Variants in GRIP1 observed in about 807,000 individuals in gnomAD.
GRIP1 encodes the protein glutamate receptor interacting protein 1, also known as glutamate receptor-interacting protein 1.
Under a neutral mutation model 129.9 loss-of-function variants are expected in GRIP1, and 45 were observed. That is an observed-to-expected ratio of 0.35 (90% CI 0.27 to 0.44). The LOEUF is 0.44. GRIP1 is among the 20% of genes least tolerant of loss of function. The probability of loss-of-function intolerance (pLI) is 1.00; values close to 1 mark genes in which losing one functional copy is unlikely to be tolerated. For synonymous variants in GRIP1, 530 were observed against 520.8 expected (o/e 1.02, Z -0.24); for missense variants, 1,196 against 1,396.8 (o/e 0.86, Z 2.29).
intron 1 of GRIP1, chr12:66,630,243 A>C (rs542673346): frequency 6.6e-6 from 1 of 152,108 alleles, no homozygotes; most frequent in Non-Finnish European, 1.5e-5. Context: ...CCAGGTACTT[A>C]GGAGGCTGAG....
intron 1 of GRIP1, among the ~76,000 whole-genome samples, chr12:66,627,064 C>T (rs1160696741): frequency 1.3e-5 from 2 of 151,608 alleles, no homozygotes. Context: ...CCCTACAAAG[C>T]ATTATGACAG....
chr12:66,924,766 G>A (rs2041268960), intron 1 of GRIP1, among the ~76,000 whole-genome samples: 1 of 152,132 alleles, frequency 6.6e-6, no homozygotes, highest in Non-Finnish European at 1.5e-5. Flanking sequence ...AGGAGATCGA[G>A]ACCATCCTGG....
intron 2 of GRIP1, among the ~76,000 whole-genome samples, chr12:66,590,225 G>A (rs1326756238): frequency 6.6e-6 from 1 of 152,110 alleles, no homozygotes; most frequent in East Asian, 1.9e-4. Flanking sequence ...TCAAAGCACA[G>A]TCACCACAAA....
intron 1 of GRIP1, among the ~76,000 whole-genome samples, chr12:66,665,704 T>C (rs993051996): frequency 5.3e-5 from 8 of 152,326 alleles, no homozygotes; most frequent in African/African-American, 1.9e-4. Flanking sequence ...TCCAGTTTTG[T>C]GCTATTACAA....
rs1250866233 is a variant in GRIP1 at position 66,456,239 on chromosome 12, A to G, written c.1146T>C (p.His382=). The G allele has an allele frequency of 3.1e-6, 4 of 1,289,586 alleles. No individual in the cohort carries two copies. The highest frequency in any genetic ancestry group is 2.3e-5 in the Admixed American group (1 of 43,562). The allele number at this position is 1,289,586 out of a possible 1,614,324, so 79.9% of individuals were successfully genotyped here. The change falls in exon 10 of 25, where the codon CAT becomes CAC. Residue 382 remains histidine, a synonymous_variant. Coordinates refer to ENST00000359742, the MANE Select transcript of GRIP1 (RefSeq NM_001366722.1). ...GGAATGTCAGGGCTGGTACTCTGCA[A>G]TGGTCAGGGTGGTACGTGTTATAGT... The part of the protein sequence containing the change: ...NHHYNTYHPD[H]CRVPALTFPK...
At chr12:66,496,558 G>GTAC (rs61553137) in intron 7 of GRIP1, among the ~76,000 whole-genome samples, 3,115 of 152,284 alleles carry the variant, frequency 0.02, 44 homozygotes, top group Middle Eastern at 0.027. Context: ...TTGTCACTGT[G>GTAC]TACTACTGTA....
At chr12:66,980,098 A>G (rs544657780) in intron 1 of GRIP1, among the ~76,000 whole-genome samples, 26 of 152,308 alleles carry the variant, frequency 1.7e-4, no homozygotes, top group African/African-American at 6.3e-4. Context: ...GCCAGAACAG[A>G]AGACTCACAA....
intron 1 of GRIP1, among the ~76,000 whole-genome samples, chr12:66,669,886 T>C (rs1044700896): frequency 2.6e-5 from 4 of 152,210 alleles, no homozygotes; most frequent in East Asian, 1.9e-4. Context: ...AAATGATGAA[T>C]TGTTAGTATT....
intron 1 of GRIP1, among the ~76,000 whole-genome samples, chr12:66,620,026 G>A (rs768568789): frequency 1.3e-5 from 2 of 152,054 alleles, no homozygotes; most frequent in East Asian, 1.9e-4. Flanking sequence ...TTGATGAGTC[G>A]CTATCATCCA....
At chr12:66,527,398 C>T (rs1565828754) in intron 5 of GRIP1, among the ~76,000 whole-genome samples, 2 of 151,910 alleles carry the variant, frequency 1.3e-5, no homozygotes, top group Non-Finnish European at 1.5e-5. Context: ...AAACTGGAAA[C>T]CATCATTCTC....
At chr12:66,787,779 A>C (rs2038400994) in intron 1 of GRIP1, among the ~76,000 whole-genome samples, 1 of 152,168 alleles carries the variant, frequency 6.6e-6, no homozygotes, top group Non-Finnish European at 1.5e-5. Context: ...TAAGGTACCC[A>C]GTCTATAGTA....
rs1158789414 is a variant in GRIP1, at chr12:66,348,970, T to C, written c.*49A>G. On this transcript the variant is annotated 3_prime_UTR_variant, in exon 25 of 25. Transcript: ENST00000359742. ...AGGTCACAGAAATCTTAAAGGATTT[T>C]TAGCACCATGTAGATATTGTCTTTT... 1.2e-5 allele frequency: 15 copies of C among 1,292,172 alleles called. No homozygotes were observed. Among genetic ancestry groups the C allele is most frequent in the Non-Finnish European group, 1.6e-5 (14 of 885,618 alleles). The allele number at this position is 1,292,172 out of a possible 1,614,324, so 80.0% of individuals were successfully genotyped here.
chr12:66,618,588 A>C (rs994797094), intron 1 of GRIP1, among the ~76,000 whole-genome samples: 2 of 152,182 alleles, frequency 1.3e-5, no homozygotes, highest in Non-Finnish European at 2.9e-5. Context: ...ATTTTCCAAA[A>C]ACATATTGCA....
At chr12:66,795,443 T>C (rs1362053209) in intron 1 of GRIP1, among the ~76,000 whole-genome samples, 2 of 152,206 alleles carry the variant, frequency 1.3e-5, no homozygotes, top group Non-Finnish European at 2.9e-5. Context: ...TTTCACAAAA[T>C]GTTTGCCACT....
intron 1 of GRIP1, among the ~76,000 whole-genome samples, chr12:66,733,391 T>A (rs1364516592): frequency 6.6e-6 from 1 of 152,118 alleles, no homozygotes; most frequent in Non-Finnish European, 1.5e-5. Flanking sequence ...TAATAAGATA[T>A]GAGTGGATGT....
intron 1 of GRIP1, among the ~76,000 whole-genome samples, chr12:67,039,018 AACACAC>A (rs10562551): frequency 0.34 from 51,188 of 148,744 alleles, 9,531 homozygotes; most frequent in Middle Eastern, 0.46. Flanking sequence ...ACAAATAATA[AACACAC>A]ACACACACAC....
intron 5 of GRIP1, among the ~76,000 whole-genome samples, chr12:66,528,280 G>A (rs934330537): frequency 1.2e-4 from 18 of 151,722 alleles, no homozygotes; most frequent in Admixed American, 7.9e-4. Flanking sequence ...GACTACAGGC[G>A]CCTGCCACCA....
At chr12:66,930,517 T>G (rs1025902672) in intron 1 of GRIP1, among the ~76,000 whole-genome samples, 42 of 151,768 alleles carry the variant, frequency 2.8e-4, no homozygotes, top group Non-Finnish European at 5.4e-4. Context: ...TGTTGGACAT[T>G]TGGGTTGGTT....
intron 1 of GRIP1, among the ~76,000 whole-genome samples, chr12:67,014,888 AT>A (rs1323074018): frequency 1.3e-5 from 2 of 152,228 alleles, no homozygotes; most frequent in Non-Finnish European, 2.9e-5. Context: ...ATCAAAAAAA[AT>A]CAAACCACTT....
Sources: allele counts gnomAD v4.1 joint callset (sites outside exome capture counted in the v4.1 genomes callset), GRCh38; gene constraint gnomAD v4.1.1; transcripts MANE v1.5; gene names NCBI Gene and HGNC (gene_info 2026-07-23, HGNC 2026-07-21).